Variants in PCDH7 observed in about 807,000 individuals in gnomAD.
PCDH7 encodes the protein protocadherin-7.
A neutral mutation model predicts 58.9 loss-of-function variants in PCDH7; 17 were observed. That is an observed-to-expected ratio of 0.29 (90% CI 0.20 to 0.43). The LOEUF is 0.43. PCDH7 is among the 20% of genes least tolerant of loss of function. The pLI is 1.00. For synonymous variants in PCDH7, 664 were observed against 616.4 expected, an observed-to-expected ratio of 1.08 and a Z score of -1.14; for missense variants, 1,274 against 1,441.0, an observed-to-expected ratio of 0.88 and a Z score of 1.88.
intron 3 of PCDH7, among the ~76,000 whole-genome samples, chr4:31,136,077 G>A (rs901777919): frequency 1.4e-4 from 21 of 152,182 alleles, no homozygotes; most frequent in African/African-American, 4.3e-4. Context: ...TTATACAGCT[G>A]TGAAGTGACA....
intron 1 of PCDH7, among the ~76,000 whole-genome samples, chr4:30,784,800 G>A (rs758267866): frequency 3.3e-5 from 5 of 151,868 alleles, no homozygotes; most frequent in Non-Finnish European, 5.9e-5. Flanking sequence ...AAAAAAAGGG[G>A]CAAAATGGGG....
chr4:30,777,740 T>C (rs1722258798), intron 1 of PCDH7, among the ~76,000 whole-genome samples: 1 of 152,184 alleles, frequency 6.6e-6, no homozygotes. Context: ...TTTACTACGT[T>C]ACATTTATTA....
rs529726048 is a variant in PCDH7, at chr4:31,045,442, C to A, written c.*7+95227C>A. Among the ~76,000 whole-genome samples, 123 of 152,010 alleles carry A rather than the reference C, an allele frequency of 8.1e-4. No homozygotes were observed. In the South Asian group the frequency reaches 0.019, roughly 23 times the overall value. ...CATTTCCGTAGTGAACATAAAGGTT[C>A]TAGACCAAATACTAAATTAAGAGAT... On this transcript the variant is annotated intron_variant, in intron 3 of 3. Transcript: ENST00000509759.
At chr4:30,931,303 T>G (rs5001866) in intron 2 of PCDH7, among the ~76,000 whole-genome samples, 4 of 151,934 alleles carry the variant, frequency 2.6e-5, no homozygotes, top group Non-Finnish European at 4.4e-5. Flanking sequence ...TGGTCGGGCA[T>G]GGCGGCTCGC....
intron 2 of PCDH7, among the ~76,000 whole-genome samples, chr4:30,937,323 T>G (rs927697330): frequency 1.3e-5 from 2 of 152,122 alleles, no homozygotes; most frequent in Non-Finnish European, 2.9e-5. Context: ...TCCATATCAC[T>G]GCTTTCAAAA....
intron 3 of PCDH7, among the ~76,000 whole-genome samples, chr4:31,053,231 A>G (rs1183070543): frequency 2.6e-5 from 4 of 152,098 alleles, no homozygotes; most frequent in Middle Eastern, 6.8e-3. Flanking sequence ...TGAAAACATC[A>G]TTTTCAAAAC....
chr4:31,125,539 G>A (rs554229905), intron 3 of PCDH7, among the ~76,000 whole-genome samples: 4 of 152,188 alleles, frequency 2.6e-5, no homozygotes, highest in Non-Finnish European at 4.4e-5. Flanking sequence ...TGGACTTTAT[G>A]ATAGTGTGCA....
At chr4:30,982,668 T>TAA (rs1291860336) in intron 3 of PCDH7, among the ~76,000 whole-genome samples, 2 of 152,206 alleles carry the variant, frequency 1.3e-5, no homozygotes, top group Non-Finnish European at 2.9e-5. Flanking sequence ...GCATTATATA[T>TAA]AAAATGCTAT....
intron 3 of PCDH7, among the ~76,000 whole-genome samples, chr4:30,964,110 G>A (rs762821319): frequency 4.7e-4 from 71 of 152,200 alleles, no homozygotes; most frequent in Middle Eastern, 6.8e-3. Context: ...GGCATACAGC[G>A]GAACCCACTG....
At chr4:31,112,573 C>T (rs1716464201) in intron 3 of PCDH7, among the ~76,000 whole-genome samples, 1 of 152,066 alleles carries the variant, frequency 6.6e-6, no homozygotes, top group Admixed American at 6.6e-5. Flanking sequence ...TGTGAGCTCT[C>T]AGGATGAACA....
At chr4:30,941,439 G>A (rs1276020132) in intron 2 of PCDH7, among the ~76,000 whole-genome samples, 1 of 151,908 alleles carries the variant, frequency 6.6e-6, no homozygotes, top group Non-Finnish European at 1.5e-5. Flanking sequence ...TTTGACAAAA[G>A]AATGTTTCCC....
Position 30,837,749 on chromosome 4 carries a change from C to T in PCDH7, c.71-82404C>T, listed in dbSNP as rs192732702. The stretch of plus-strand genomic sequence containing the variant: ...GGCAACAGACTTGCCAGCTGGAAAC[C>T]TTTATTTTACAAATTAACTCTCGCT... On this transcript the variant is annotated intron_variant, in intron 1 of 3. Coordinates refer to the PCDH7 transcript ENST00000509759. 1.9e-3 allele frequency among the ~76,000 whole-genome samples: 287 copies of T among 151,620 alleles called. 2 individuals carry two copies. Among genetic ancestry groups the T allele is most frequent in the African/African-American group, 6.6e-3 (275 of 41,398 alleles).
chr4:31,104,462 A>G lies in PCDH7; in HGVS notation c.*8-38011A>G, dbSNP rs1456904385. On this transcript the variant is annotated intron_variant, in intron 3 of 3. Transcript: ENST00000509759. ...CAGTTTGTTCTTTTAGGTAAATGATATAGCACTTAATTGAATCAATGCTTA... is the reference window on the plus strand; with the variant it reads ...CAGTTTGTTCTTTTAGGTAAATGATGTAGCACTTAATTGAATCAATGCTTA... Among the ~76,000 whole-genome samples the G allele has an allele frequency of 4.6e-5, 7 of 152,220 alleles. No individual in the cohort carries two copies. The South Asian group carries it at 1.0e-3, about 23-fold the overall frequency.
chr4:30,802,281 G>A (rs1160166435), intron 1 of PCDH7, among the ~76,000 whole-genome samples: 2 of 130,390 alleles, frequency 1.5e-5, no homozygotes, highest in Non-Finnish European at 3.1e-5. Context: ...TCATCAGTAT[G>A]GTAGCCAGGC....
In PCDH7 at chr4:31,074,369, C is replaced by T. The variant is rs532342699; in HGVS notation, c.*8-68104C>T. ...GATGAAGATATAGCATTATTATATA[C>T]TTATATCATGGCTTTCAAAAACGAT... On this transcript the variant is annotated intron_variant, in intron 3 of 3. Coordinates refer to the PCDH7 transcript ENST00000509759. Among the ~76,000 whole-genome samples the T allele has an allele frequency of 8.6e-5, 13 of 151,778 alleles. No individual in the cohort carries two copies. The East Asian group carries it at 1.2e-3, about 14-fold the overall frequency.
At chr4:30,900,958 T>TATGAAGATG (rs1740136328) in intron 1 of PCDH7, among the ~76,000 whole-genome samples, 1 of 152,210 alleles carries the variant, frequency 6.6e-6, no homozygotes. Context: ...TAGATAACTC[T>TATGAAGATG]ATGAAGATGA....
chr4:30,949,127 A>G (rs1348576716), intron 2 of PCDH7, among the ~76,000 whole-genome samples: 1 of 152,200 alleles, frequency 6.6e-6, no homozygotes, highest in African/African-American at 2.4e-5. Flanking sequence ...ATGAAGTCAC[A>G]CACAGGAAAA....
In PCDH7 at chr4:30,721,791, G is replaced by C; in HGVS notation, c.369G>C (p.Trp123Cys). The C allele has an allele frequency of 6.2e-7, 1 of 1,613,292 alleles. No homozygotes were observed. The highest frequency in any genetic ancestry group is 8.5e-7 in the Non-Finnish European group (1 of 1,179,844). The change falls in exon 1 of 2, where the codon TGG becomes TGC. Residue 123 changes from tryptophan (W) to cysteine (C), a missense_variant. This residue lies in a region of PCDH7 where 212 missense variants were observed against 255.8 expected (regional missense o/e 0.83). Transcript: ENST00000361762. This position sits in a 1 kb window ranked among gnomAD's most constrained non-coding sequence, Gnocchi z 6.7. ...CGGTGATCGGGCCCTCGCAGAGCTG[G>C]GTGGACCTGTTTGAGGGTCAGGTCA...
At chr4:31,034,059 A>C (rs1247916941) in intron 3 of PCDH7, among the ~76,000 whole-genome samples, 1 of 152,052 alleles carries the variant, frequency 6.6e-6, no homozygotes, top group African/African-American at 2.4e-5. Context: ...ACACCACTGC[A>C]CTCCAGCCTG....
Sources: allele counts gnomAD v4.1 joint callset (sites outside exome capture counted in the v4.1 genomes callset), GRCh38; gene constraint gnomAD v4.1.1; regional missense constraint gnomAD v4.1.1; non-coding constraint Gnocchi (gnomAD v3.1); transcripts MANE v1.5; gene names NCBI Gene and HGNC (gene_info 2026-07-23, HGNC 2026-07-21).